The following CLNK variants were observed in gnomAD, a reference collection of about 807,000 sequenced individuals.
The protein encoded by CLNK is cytokine-dependent hematopoietic cell linker.
CLNK carries 74 observed loss-of-function variants against 68.6 expected under a neutral mutation model. The observed-to-expected ratio is 1.08, with a 90% CI of 0.89 to 1.31. The LOEUF (loss-of-function observed/expected upper bound fraction) is 1.31. Ranked by LOEUF, CLNK falls within the 50% of genes most tolerant of loss-of-function variation. CLNK has a pLI of 0.00. For synonymous variants in CLNK, 198 were observed against 172.2 expected (o/e 1.15, Z -1.17); for missense variants, 553 against 515.3 (o/e 1.07, Z -0.71).
intron 2 of CLNK, among the ~76,000 whole-genome samples, chr4:10,644,753 C>G (rs1484304045): frequency 1.3e-5 from 2 of 152,164 alleles, no homozygotes; most frequent in Non-Finnish European, 2.9e-5. Context: ...ACTGATTTTC[C>G]TTTTCTCACT....
chr4:10,575,409 G>C (rs1315736208), intron 4 of CLNK, among the ~76,000 whole-genome samples: 1 of 152,210 alleles, frequency 6.6e-6, no homozygotes, highest in African/African-American at 2.4e-5. Flanking sequence ...AACTGTGTCT[G>C]AAATGTCATC....
At chr4:10,655,636 CATTTTTTT>C (rs1723945803) in intron 2 of CLNK, among the ~76,000 whole-genome samples, 2 of 117,384 alleles carry the variant, frequency 1.7e-5, no homozygotes, top group African/African-American at 6.6e-5. Context: ...GGATAGATAG[CATTTTTTT>C]TTTTTTTTTT....
intron 2 of CLNK, among the ~76,000 whole-genome samples, chr4:10,621,297 G>C (rs1251155900): frequency 6.6e-6 from 1 of 152,176 alleles, no homozygotes. Flanking sequence ...GGATTCTTGA[G>C]GGCAGGGACT....
At chr4:10,706,458 A>G in the CLNK span, among the ~76,000 whole-genome samples, 1 of 152,192 alleles carries the variant, frequency 6.6e-6, no homozygotes, top group Non-Finnish European at 1.5e-5. Context: ...GCCAAAATAA[A>G]CACCACAGTT....
chr4:10,671,867 A>G (rs1560272758), intron 1 of CLNK, among the ~76,000 whole-genome samples: 2 of 152,334 alleles, frequency 1.3e-5, no homozygotes, highest in East Asian at 3.9e-4. Flanking sequence ...TCAGCAAACT[A>G]TAGAAGAAAC....
chr4:10,671,815 C>G (rs1039375752), intron 1 of CLNK, among the ~76,000 whole-genome samples: 1 of 152,012 alleles, frequency 6.6e-6, no homozygotes. Flanking sequence ...TAATGTATAC[C>G]CTGATCCATT....
intron 17 of CLNK, among the ~76,000 whole-genome samples, 185 bp downstream of exon 17, chr4:10,507,774 G>A (rs1041616186): frequency 9.2e-5 from 14 of 152,018 alleles, no homozygotes; most frequent in Non-Finnish European, 1.6e-4. Flanking sequence ...GAGCCACTGC[G>A]CCCGGCCTGA....
chr4:10,561,062 A>AT lies in CLNK; in HGVS notation c.400-2611dup, dbSNP rs1212016226. 2.7e-3 allele frequency among the ~76,000 whole-genome samples: 408 copies of AT among 149,388 alleles called. 2 individuals are homozygous for AT. The highest frequency in any genetic ancestry group is 3.8e-3 in the Non-Finnish European group (254 of 67,194). ...CAGGCATGCTCCACCACGACCAGCTATTTTTTTTTTAATTTTTTTTTAGAG... is the reference window on the plus strand; with the variant it reads ...CAGGCATGCTCCACCACGACCAGCTATTTTTTTTTTTAATTTTTTTTTAGAG... On this transcript the variant is annotated intron_variant, in intron 7 of 18. Transcript: ENST00000226951.
intron 2 of CLNK, among the ~76,000 whole-genome samples, chr4:10,628,229 G>A (rs992768110): frequency 6.6e-5 from 10 of 151,952 alleles, no homozygotes; most frequent in Non-Finnish European, 1.2e-4. Flanking sequence ...AATAATCTTC[G>A]AAGGCTTATC....
chr4:10,717,908 A>G, the CLNK span, among the ~76,000 whole-genome samples: 1 of 152,358 alleles, frequency 6.6e-6, no homozygotes, highest in African/African-American at 2.4e-5. Flanking sequence ...TCTGATGAAG[A>G]TTTCAAAGAG....
the CLNK span, among the ~76,000 whole-genome samples, chr4:10,724,009 AG>A: frequency 5.2e-4 from 79 of 152,008 alleles, 1 homozygote; most frequent in African/African-American, 1.8e-3. Context: ...TTGAGCAGGA[AG>A]TTCTTCCTTG....
chr4:10,678,298 C>G (rs1724952704), intron 1 of CLNK, among the ~76,000 whole-genome samples: 1 of 151,952 alleles, frequency 6.6e-6, no homozygotes, highest in African/African-American at 2.4e-5. Flanking sequence ...TTTTGAAGAC[C>G]AAGTAAGATG....
At chr4:10,731,393 C>T in the CLNK span, among the ~76,000 whole-genome samples, 3 of 152,318 alleles carry the variant, frequency 2.0e-5, no homozygotes, top group South Asian at 4.1e-4. Context: ...CTCATGCCAC[C>T]GGGCTACCCA....
chr4:10,663,395 C>A (rs147163394), intron 2 of CLNK, among the ~76,000 whole-genome samples: 88 of 152,270 alleles, frequency 5.8e-4, no homozygotes, highest in Non-Finnish European at 9.6e-4. Context: ...CTATGTAATA[C>A]GGAAATAATT....
the CLNK span, among the ~76,000 whole-genome samples, chr4:10,730,123 G>T: frequency 6.6e-6 from 1 of 152,134 alleles, no homozygotes; most frequent in Admixed American, 6.6e-5. Context: ...CCCTAGTCAC[G>T]CCACTGCATC....
intron 2 of CLNK, among the ~76,000 whole-genome samples, chr4:10,654,080 T>C (rs1178283018): frequency 6.7e-6 from 1 of 149,606 alleles, no homozygotes; most frequent in Non-Finnish European, 1.5e-5. Context: ...AATTGGGAAA[T>C]ACACTGCAAC....
intron 1 of CLNK, among the ~76,000 whole-genome samples, chr4:10,670,492 G>A (rs1190274883): frequency 1.3e-5 from 2 of 152,216 alleles, no homozygotes; most frequent in African/African-American, 4.8e-5. Flanking sequence ...AGAGTAAGGG[G>A]ACCACAGATG....
At chr4:10,585,382 A>C (rs1390877563) in intron 3 of CLNK, among the ~76,000 whole-genome samples, 1 of 152,244 alleles carries the variant, frequency 6.6e-6, no homozygotes, top group Admixed American at 6.5e-5. Context: ...TAGTTGTGGC[A>C]ATCACCGAGT....
intron 2 of CLNK, among the ~76,000 whole-genome samples, chr4:10,661,727 A>T (rs886836538): frequency 1.3e-5 from 2 of 152,218 alleles, no homozygotes; most frequent in South Asian, 2.1e-4. Context: ...GCTTAGGAAA[A>T]TGCAAAATGT....
Sources: allele counts gnomAD v4.1 joint callset (sites outside exome capture counted in the v4.1 genomes callset), GRCh38; gene constraint gnomAD v4.1.1; transcripts MANE v1.5; gene names NCBI Gene and HGNC (gene_info 2026-07-23, HGNC 2026-07-21).